The following ACTN2 variants were observed in gnomAD, a reference collection of about 807,000 sequenced individuals.
ACTN2 encodes alpha-actinin-2.
Under a neutral mutation model 113.8 loss-of-function variants are expected in ACTN2, and 39 were observed. The ratio of observed to expected loss-of-function variants is 0.34; its 90% CI spans 0.27 to 0.45. The LOEUF (loss-of-function observed/expected upper bound fraction) is 0.45. Ranked by LOEUF, ACTN2 falls within the 20% of genes least tolerant of loss-of-function variation. The pLI, the probability that ACTN2 is intolerant of heterozygous loss-of-function variation, is 1.00. For synonymous variants in ACTN2, 429 were observed against 444.1 expected (o/e 0.97, Z 0.43); for missense variants, 992 against 1,177.9 (o/e 0.84, Z 2.31).
chr1:236,753,979 C>A lies in ACTN2; in HGVS notation c.1872C>A (p.Ser624=). 1 of 1,614,136 alleles carries A rather than the reference C, an allele frequency of 6.2e-7. No homozygotes were observed. The highest frequency in any genetic ancestry group is 1.7e-5 in the Admixed American group (1 of 60,030). Residue 624 remains serine, a synonymous_variant, in exon 16 of 21, where the codon TCC becomes TCA. Coordinates refer to ENST00000366578, the MANE Select transcript of ACTN2 (RefSeq NM_001103.4). ...AACTCGTGCCCATCCGCGATCAATC[C>A]CTGCAGGAGGAGCTGGCTCGCCAGC... ...VKQLVPIRDQ[S]LQEELARQHA...
intron 19 of ACTN2, among the ~76,000 whole-genome samples, chr1:236,760,551 C>T (rs961523220): frequency 2.6e-5 from 4 of 152,188 alleles, no homozygotes; most frequent in African/African-American, 9.7e-5. Flanking sequence ...GTATATCAGA[C>T]ACTTCTCTGT....
At chr1:236,721,611 G>A (rs1033028802) in intron 4 of ACTN2, among the ~76,000 whole-genome samples, 6 of 152,082 alleles carry the variant, frequency 3.9e-5, no homozygotes, top group African/African-American at 1.4e-4. Context: ...CTTCCTTTAT[G>A]CTAATGAAAG....
At chr1:236,722,969 T>C (rs1658445581) in intron 4 of ACTN2, among the ~76,000 whole-genome samples, 2 of 152,318 alleles carry the variant, frequency 1.3e-5, no homozygotes, top group South Asian at 4.1e-4. Context: ...GCTTTGATTG[T>C]AGTAACCAAT....
intron 6 of ACTN2, among the ~76,000 whole-genome samples, chr1:236,729,603 A>G (rs999691441): frequency 6.6e-6 from 1 of 152,176 alleles, no homozygotes; most frequent in African/African-American, 2.4e-5. Flanking sequence ...GCCTGCCTCC[A>G]TGGCATACAG....
intron 1 of ACTN2, among the ~76,000 whole-genome samples, chr1:236,698,624 T>C (rs75761090): frequency 0.016 from 2,471 of 152,350 alleles, 20 homozygotes; most frequent in Middle Eastern, 0.058. Context: ...TATTTGGCCT[T>C]TCATGTTAGA....
At chr1:236,708,588 G>A (rs956829177) in intron 1 of ACTN2, among the ~76,000 whole-genome samples, 3 of 152,144 alleles carry the variant, frequency 2.0e-5, no homozygotes, top group African/African-American at 7.2e-5. Context: ...TTTTCAAGAC[G>A]GTTGAGTGTC....
At chr1:236,706,239 C>T (rs1399454616) in intron 1 of ACTN2, among the ~76,000 whole-genome samples, 1 of 151,866 alleles carries the variant, frequency 6.6e-6, no homozygotes, top group African/African-American at 2.4e-5. Context: ...TTTAGCTTCT[C>T]AGGTTTCTTT....
At chr1:236,735,486 G>C in intron 7 of ACTN2, 149 bp from the exon 8 acceptor site, 1 of 735,102 alleles carries the variant, frequency 1.4e-6, no homozygotes, top group South Asian at 1.5e-5. Context: ...CCTTCCTGAG[G>C]TTCGGGACCA....
intron 18 of ACTN2, among the ~76,000 whole-genome samples, chr1:236,759,095 C>A (rs745884641): frequency 6.6e-6 from 1 of 152,162 alleles, no homozygotes; most frequent in African/African-American, 2.4e-5. Flanking sequence ...GAGAGCTAGG[C>A]ATAAGTAAAA....
chr1:236,760,999 T>G lies in ACTN2; in HGVS notation c.2368-16T>G. On this transcript the variant is annotated splice_polypyrimidine_tract_variant and intron_variant, in intron 19 of 20. Transcript: ENST00000366578. ...TGTACCGTTCGTGTACATGTTTCTT[T>G]GCCACTTTGCCCCAGGGTGAAGCCG... 1 of 1,614,224 alleles carries G rather than the reference T, an allele frequency of 6.2e-7. No homozygotes were observed. The highest frequency in any genetic ancestry group is 1.3e-5 in the African/African-American group (1 of 75,068).
At chr1:236,711,314 C>A (rs1007399495) in intron 1 of ACTN2, among the ~76,000 whole-genome samples, 6 of 152,202 alleles carry the variant, frequency 3.9e-5, no homozygotes, top group Non-Finnish European at 8.8e-5. Context: ...TTTGTCTTAA[C>A]TTCTGTGGTG....
intron 5 of ACTN2, among the ~76,000 whole-genome samples, chr1:236,727,103 G>C (rs1203632638): frequency 1.3e-5 from 2 of 151,986 alleles, no homozygotes. Flanking sequence ...TGTCTACGGC[G>C]GAACAGACCA....
In ACTN2 at chr1:236,742,887, C is replaced by A; in HGVS notation, c.1108-9C>A. 1 of 1,614,176 alleles carries A rather than the reference C, an allele frequency of 6.2e-7. No individual in the cohort carries two copies. Among genetic ancestry groups the A allele is most frequent in the Non-Finnish European group, 8.5e-7 (1 of 1,180,040 alleles). ...CACATTTGCTTCCCTTGGCTTCCAA[C>A]CATCCCAGGATATTGCTGGTGCCTG... On this transcript the variant is annotated splice_polypyrimidine_tract_variant and intron_variant, in intron 10 of 20. Coordinates refer to ENST00000366578, the MANE Select transcript of ACTN2 (RefSeq NM_001103.4).
intron 9 of ACTN2, among the ~76,000 whole-genome samples, chr1:236,738,514 G>C (rs1658961406): frequency 6.6e-6 from 1 of 152,250 alleles, no homozygotes; most frequent in Non-Finnish European, 1.5e-5. Context: ...CTGAAGGCCA[G>C]AGGATCCTTA....
chr1:236,732,323 T>TAG (rs1292244732), intron 7 of ACTN2, among the ~76,000 whole-genome samples: 1 of 152,244 alleles, frequency 6.6e-6, no homozygotes, highest in East Asian at 1.9e-4. Context: ...TTCCAGCTTC[T>TAG]AGAAGCCCCA....
intron 6 of ACTN2, 76 bp downstream of exon 6, chr1:236,727,832 C>G (rs1658598994): frequency 2.1e-6 from 3 of 1,441,132 alleles, no homozygotes; most frequent in African/African-American, 1.4e-5. Flanking sequence ...CACATCAGCA[C>G]TAGCCTAGCA....
chr1:236,748,912 A>G (rs1323618672), intron 13 of ACTN2, among the ~76,000 whole-genome samples: 1 of 152,174 alleles, frequency 6.6e-6, no homozygotes, highest in Non-Finnish European at 1.5e-5. Flanking sequence ...GCTGCTCTGG[A>G]TGTTATGAAA....
chr1:236,689,137 C>T (rs952313261), intron 1 of ACTN2, among the ~76,000 whole-genome samples: 1 of 151,828 alleles, frequency 6.6e-6, no homozygotes, highest in African/African-American at 2.4e-5. Context: ...TGCGAATAGG[C>T]GTTTCAACGT....
At chr1:236,755,324 G>A (rs2102944443) in intron 17 of ACTN2, 126 bp downstream of exon 17, 1 of 1,129,268 alleles carries the variant, frequency 8.9e-7, no homozygotes, top group East Asian at 2.4e-5. Flanking sequence ...GAAAGTTAGG[G>A]ATCTTTAAGC....
Sources: gnomAD v4.1 joint callset for allele counts (sites outside exome capture counted in the v4.1 genomes callset) on GRCh38, gnomAD v4.1.1 for gene constraint, MANE v1.5 for transcripts, NCBI Gene and HGNC (gene_info 2026-07-23, HGNC 2026-07-21) for gene names.